The following MAGI1 variants were observed in gnomAD, a reference collection of about 807,000 sequenced individuals.
MAGI1 encodes membrane-associated guanylate kinase, WW and PDZ domain-containing protein 1.
Under a neutral mutation model 139.9 loss-of-function variants are expected in MAGI1, and 58 were observed. That is an observed-to-expected ratio of 0.41 (90% CI 0.34 to 0.52). The LOEUF is 0.52. MAGI1 is among the 20% of genes least tolerant of loss of function. The pLI is 0.12. For missense variants in MAGI1, 1,874 were observed against 1,901.6 expected (o/e 0.99, Z 0.27); for synonymous variants, 812 against 737.9 (o/e 1.10, Z -1.63).
At chr3:65,747,768 G>A (rs551644720) in intron 1 of MAGI1, among the ~76,000 whole-genome samples, 14 of 152,196 alleles carry the variant, frequency 9.2e-5, no homozygotes, top group African/African-American at 2.9e-4. Context: ...TACTTTCTGC[G>A]CCATCTTCCT....
At chr3:65,723,915 T>C (rs565531078) in intron 1 of MAGI1, among the ~76,000 whole-genome samples, 4 of 152,178 alleles carry the variant, frequency 2.6e-5, no homozygotes, top group Admixed American at 6.5e-5. Context: ...GAAATTAGCA[T>C]GTTTGGGGAT....
At chr3:65,415,946 C>T (rs1398709164) in intron 12 of MAGI1, among the ~76,000 whole-genome samples, 1 of 152,066 alleles carries the variant, frequency 6.6e-6, no homozygotes, top group Non-Finnish European at 1.5e-5. Context: ...AACATAGAAT[C>T]CCATTAATTC....
rs540882502 is a variant in MAGI1 at position 65,958,953 on chromosome 3, C to A, written c.313+79043G>T. 2.0e-5 allele frequency among the ~76,000 whole-genome samples: 3 copies of A among 152,038 alleles called. No individual in the cohort carries two copies. The South Asian group carries it at 6.2e-4, about 32-fold the overall frequency. Reference sequence around the variant, plus strand: ...AGTGAGCTGAGATCGTGCCACTGCACTCCAGCTTGGCCAACTGAGTGAGAC... The same window carrying A: ...AGTGAGCTGAGATCGTGCCACTGCAATCCAGCTTGGCCAACTGAGTGAGAC... On this transcript the variant is annotated intron_variant, in intron 1 of 22. Transcript: ENST00000402939.
intron 1 of MAGI1, among the ~76,000 whole-genome samples, chr3:65,950,126 G>GTTTT (rs5849703): frequency 2.9e-5 from 3 of 102,390 alleles, no homozygotes; most frequent in East Asian, 3.0e-4. Context: ...CAATATTACT[G>GTTTT]TTTTTTTTTT....
intron 22 of MAGI1, chr3:65,359,678 C>T (rs932243405): frequency 1.0e-6 from 1 of 987,772 alleles, no homozygotes; most frequent in African/African-American, 1.7e-5. Flanking sequence ...AGATTTAGTC[C>T]AAGTGACGCA....
At chr3:65,695,165 T>C (rs1264330268) in intron 1 of MAGI1, among the ~76,000 whole-genome samples, 2 of 151,898 alleles carry the variant, frequency 1.3e-5, no homozygotes, top group African/African-American at 4.8e-5. Flanking sequence ...AGATAACCGA[T>C]AAGGTAGAAA....
Position 65,819,875 on chromosome 3 carries a change from C to CAAAAAAAAAAAAAAAAAAAAAAAAA in MAGI1, c.314-197788_314-197787insTTTTTTTTTTTTTTTTTTTTTTTTT, listed in dbSNP as rs3077818. Reference sequence around the variant, plus strand: ...CTAGCCACAGAGCAAGACTCCATCTCAAAAAAAAAAAAAAAAAAAAAAGGA... The same window carrying CAAAAAAAAAAAAAAAAAAAAAAAAA: ...CTAGCCACAGAGCAAGACTCCATCTCAAAAAAAAAAAAAAAAAAAAAAAAAAAAAAAAAAAAAAAAAAAAAAAGGA... On this transcript the variant is annotated intron_variant, in intron 1 of 22. Coordinates refer to ENST00000402939, the MANE Select transcript of MAGI1 (RefSeq NM_001033057.2). Among the ~76,000 whole-genome samples, 90 of 33,464 alleles carry CAAAAAAAAAAAAAAAAAAAAAAAAA rather than the reference C, an allele frequency of 2.7e-3. 10 individuals carry two copies. Among genetic ancestry groups the CAAAAAAAAAAAAAAAAAAAAAAAAA allele is most frequent in the East Asian group, 7.1e-3 (8 of 1,126 alleles). 22.0% of individuals were successfully genotyped at this position (33,464 alleles called of 152,430 possible). A position where few individuals can be genotyped will look rare whatever the true frequency, so the allele number is the denominator to read the frequency against.
chr3:65,382,179 C>T, intron 15 of MAGI1, 110 bp from the exon 16 acceptor site: 1 of 894,980 alleles, frequency 1.1e-6, no homozygotes, highest in Non-Finnish European at 1.7e-6. Flanking sequence ...TGCAGGCATG[C>T]CGCAAACATT....
chr3:65,380,734 T>G (rs1171512308), intron 16 of MAGI1: 1 of 152,200 alleles, frequency 6.6e-6, no homozygotes, highest in Non-Finnish European at 1.5e-5. Context: ...AAAATCACAT[T>G]GCCTTACTAT....
At chr3:65,833,111 G>T (rs1272023518) in intron 1 of MAGI1, among the ~76,000 whole-genome samples, 1 of 127,474 alleles carries the variant, frequency 7.8e-6, no homozygotes, top group Non-Finnish European at 1.6e-5. Flanking sequence ...CTGGAATGGA[G>T]GTCTACTGAA....
At chr3:65,498,535 T>G (rs2107689335) in intron 2 of MAGI1, among the ~76,000 whole-genome samples, 1 of 152,344 alleles carries the variant, frequency 6.6e-6, no homozygotes, top group African/African-American at 2.4e-5. Flanking sequence ...TAATCAATAC[T>G]ATTATTGTAT....
intron 2 of MAGI1, among the ~76,000 whole-genome samples, chr3:65,578,245 G>A (rs562146021): frequency 3.9e-5 from 6 of 152,072 alleles, no homozygotes; most frequent in South Asian, 2.1e-4. Flanking sequence ...AGATGAAATC[G>A]CACCATTTCT....
At chr3:66,008,195 C>A (rs990279340) in intron 1 of MAGI1, among the ~76,000 whole-genome samples, 2 of 152,052 alleles carry the variant, frequency 1.3e-5, no homozygotes, top group Admixed American at 6.5e-5. Flanking sequence ...CCATGCCCAG[C>A]CTGGCTCCAT....
chr3:65,950,394 T>C (rs1464538971), intron 1 of MAGI1, among the ~76,000 whole-genome samples: 1 of 152,016 alleles, frequency 6.6e-6, no homozygotes, highest in Non-Finnish European at 1.5e-5. Flanking sequence ...GATCTGCATA[T>C]TCTCCCATGG....
intron 1 of MAGI1, among the ~76,000 whole-genome samples, chr3:65,843,273 G>A (rs1004169613): frequency 1.3e-5 from 2 of 152,112 alleles, no homozygotes; most frequent in African/African-American, 4.8e-5. Flanking sequence ...AGAGGTCCAC[G>A]GAATAAGGGA....
At chr3:65,991,925 G>T (rs2066201569) in intron 1 of MAGI1, among the ~76,000 whole-genome samples, 1 of 152,156 alleles carries the variant, frequency 6.6e-6, no homozygotes, top group Non-Finnish European at 1.5e-5. Flanking sequence ...TGAGGCAGGA[G>T]AATTGCCTGA....
intron 2 of MAGI1, among the ~76,000 whole-genome samples, chr3:65,577,265 A>G (rs1004720146): frequency 1.3e-5 from 2 of 152,168 alleles, no homozygotes; most frequent in African/African-American, 2.4e-5. Flanking sequence ...CCCTCCACAT[A>G]TGAAAGAAAT....
At chr3:65,924,776 T>C (rs1425381794) in intron 1 of MAGI1, 2 of 152,458 alleles carry the variant, frequency 1.3e-5, no homozygotes, top group East Asian at 1.9e-4. Flanking sequence ...TAAACAGCCA[T>C]GCCTACCTCA....
chr3:65,686,209 C>T (rs1351222983), intron 1 of MAGI1, among the ~76,000 whole-genome samples: 1 of 152,062 alleles, frequency 6.6e-6, no homozygotes, highest in Non-Finnish European at 1.5e-5. Flanking sequence ...TGGCCTGTTC[C>T]CATTCATTGG....
Sources: gnomAD v4.1 joint callset for allele counts (sites outside exome capture counted in the v4.1 genomes callset) on GRCh38, gnomAD v4.1.1 for gene constraint, MANE v1.5 for transcripts, NCBI Gene and HGNC (gene_info 2026-07-23, HGNC 2026-07-21) for gene names.